The following ZBTB2 variants were observed in gnomAD, a reference collection of about 807,000 sequenced individuals.
ZBTB2 encodes the protein zinc finger and BTB domain-containing protein 2.
A neutral mutation model predicts 39.5 loss-of-function variants in ZBTB2; 2 were observed. The observed-to-expected ratio is 0.05, with a 90% CI of 0.02 to 0.16. The LOEUF is 0.16. Ranked by LOEUF, ZBTB2 falls within the 10% of genes least tolerant of loss-of-function variation. The probability of loss-of-function intolerance (pLI) is 1.00; values close to 1 mark genes in which losing one functional copy is unlikely to be tolerated. For missense variants in ZBTB2, 391 were observed against 653.0 expected, an observed-to-expected ratio of 0.60 and a Z score of 4.37; for synonymous variants, 251 against 256.6, an observed-to-expected ratio of 0.98 and a Z score of 0.21.
At chr6:151,375,717 A>G (rs1778892339) in intron 1 of ZBTB2, among the ~76,000 whole-genome samples, 1 of 152,038 alleles carries the variant, frequency 6.6e-6, no homozygotes, top group East Asian at 1.9e-4. Flanking sequence ...GGCACGCACC[A>G]CCAAACCTGG....
At chr6:151,390,839 G>A (rs997447261) in intron 1 of ZBTB2, among the ~76,000 whole-genome samples, 1 of 147,028 alleles carries the variant, frequency 6.8e-6, no homozygotes, top group Admixed American at 6.7e-5. Flanking sequence ...AGCGGCGGCA[G>A]CAGCAGGAGG....
chr6:151,390,902 C>T (rs1279243527), intron 1 of ZBTB2, among the ~76,000 whole-genome samples: 1 of 151,872 alleles, frequency 6.6e-6, no homozygotes, highest in African/African-American at 2.4e-5. Context: ...CCTCTGAGGG[C>T]TCCAGCGCGG....
intron 1 of ZBTB2, among the ~76,000 whole-genome samples, chr6:151,376,299 G>T (rs898135717): frequency 2.6e-5 from 4 of 152,154 alleles, no homozygotes; most frequent in African/African-American, 9.7e-5. Flanking sequence ...TTTTACACTT[G>T]ACATCAAAAG....
intron 1 of ZBTB2, among the ~76,000 whole-genome samples, chr6:151,379,553 G>A (rs1163477358): frequency 2.0e-5 from 3 of 146,600 alleles, no homozygotes; most frequent in Admixed American, 7.0e-5. Flanking sequence ...GAAGTGGGAG[G>A]ATCACTTGAG....
intron 1 of ZBTB2, among the ~76,000 whole-genome samples, chr6:151,384,090 A>G (rs959663036): frequency 1.3e-5 from 2 of 152,204 alleles, no homozygotes; most frequent in Non-Finnish European, 2.9e-5. Context: ...ATTCTCATCA[A>G]TTTAACACCT....
At chr6:151,370,155 A>G (rs983322085) in intron 2 of ZBTB2, 100 of 911,648 alleles carry the variant, frequency 1.1e-4, no homozygotes, top group Non-Finnish European at 1.3e-4. Flanking sequence ...TTTGTTTTGA[A>G]ATGGAGTTTC....
chr6:151,391,204 G>C (rs1779299406), intron 1 of ZBTB2, among the ~76,000 whole-genome samples: 1 of 151,322 alleles, frequency 6.6e-6, no homozygotes, highest in Non-Finnish European at 1.5e-5. Context: ...CCCTGCCCTC[G>C]CTTCCCAGAA....
chr6:151,377,727 T>C (rs775471975), intron 1 of ZBTB2, among the ~76,000 whole-genome samples: 7 of 151,822 alleles, frequency 4.6e-5, no homozygotes, highest in Non-Finnish European at 7.4e-5. Context: ...GAGATGGGGT[T>C]TCACCATGTT....
chr6:151,365,442 A>G lies in ZBTB2; in HGVS notation c.*79T>C. 6.8e-7 allele frequency: 1 copy of G among 1,480,390 alleles called. No individual in the cohort carries two copies. Among genetic ancestry groups the G allele is most frequent in the Non-Finnish European group, 9.1e-7 (1 of 1,098,568 alleles). The allele number at this position is 1,480,390 out of a possible 1,614,324, so 91.7% of individuals were successfully genotyped here. ...GACCTGTTTGTATCATGCCATGGAG[A>G]ACTACAGTTCTGAATTCAGGGAAGG... On this transcript the variant is annotated 3_prime_UTR_variant, in exon 3 of 3. Transcript: ENST00000325144. The surrounding 1 kb of genome is among the most constrained non-coding windows in gnomAD (Gnocchi z 5.6).
At chr6:151,382,893 T>C (rs1264289771) in intron 1 of ZBTB2, among the ~76,000 whole-genome samples, 1 of 151,728 alleles carries the variant, frequency 6.6e-6, no homozygotes. Context: ...AATTACAACA[T>C]AAAATGTTAC....
intron 1 of ZBTB2, among the ~76,000 whole-genome samples, chr6:151,374,502 T>G (rs1157834684): frequency 6.6e-6 from 1 of 152,156 alleles, no homozygotes; most frequent in Non-Finnish European, 1.5e-5. Flanking sequence ...ATTGCCTGGT[T>G]CATCAAATCA....
intron 2 of ZBTB2, among the ~76,000 whole-genome samples, chr6:151,369,055 G>A (rs541555361): frequency 4.6e-4 from 70 of 152,258 alleles, no homozygotes; most frequent in African/African-American, 1.5e-3. Context: ...GAACCACCGC[G>A]CCTGGCTGAC....
chr6:151,365,383 G>A lies in ZBTB2; in HGVS notation c.*138C>T, dbSNP rs1176060638. On this transcript the variant is annotated 3_prime_UTR_variant, in exon 3 of 3. Transcript: ENST00000325144. This position sits in a 1 kb window ranked among gnomAD's most constrained non-coding sequence, Gnocchi z 5.6. ...AAAGCCTTTACAGAGGTGGGGCTGGGATGTGGAAAAGGGGAAGAGGAGAAG... is the reference window on the plus strand; with the variant it reads ...AAAGCCTTTACAGAGGTGGGGCTGGAATGTGGAAAAGGGGAAGAGGAGAAG... 1.0e-6 allele frequency: 1 copy of A among 965,520 alleles called. No individual in the cohort carries two copies. The highest frequency in any genetic ancestry group is 1.5e-6 in the Non-Finnish European group (1 of 653,286). 59.8% of individuals were successfully genotyped at this position (965,520 alleles called of 1,614,324 possible).
intron 1 of ZBTB2, among the ~76,000 whole-genome samples, chr6:151,390,217 C>G (rs1277203314): frequency 1.3e-4 from 20 of 151,662 alleles, no homozygotes; most frequent in Admixed American, 1.3e-3. Flanking sequence ...AAGGGCGGCG[C>G]CACAGAGGCC....
At chr6:151,368,404 C>G (rs1187825658) in intron 2 of ZBTB2, among the ~76,000 whole-genome samples, 1 of 152,150 alleles carries the variant, frequency 6.6e-6, no homozygotes, top group Non-Finnish European at 1.5e-5. Context: ...CCGCCTCGGC[C>G]TCCCAAAGTG....
intron 1 of ZBTB2, among the ~76,000 whole-genome samples, chr6:151,385,010 T>A (rs1779122826): frequency 6.6e-6 from 1 of 151,464 alleles, no homozygotes; most frequent in Non-Finnish European, 1.5e-5. Flanking sequence ...CTATGTAAAA[T>A]CCCTAACCAT....
intron 1 of ZBTB2, among the ~76,000 whole-genome samples, chr6:151,377,463 G>A (rs570691764): frequency 6.7e-6 from 1 of 150,330 alleles, no homozygotes; most frequent in East Asian, 1.9e-4. Flanking sequence ...CTGCCTCCCG[G>A]GTTCAAGCTA....
intron 2 of ZBTB2, among the ~76,000 whole-genome samples, chr6:151,367,319 C>A (rs1178520564): frequency 3.3e-5 from 5 of 152,162 alleles, no homozygotes; most frequent in Non-Finnish European, 4.4e-5. Context: ...CGGGGATTCA[C>A]CATGTTGGCC....
intron 1 of ZBTB2, among the ~76,000 whole-genome samples, chr6:151,379,640 A>G (rs1364169017): frequency 5.6e-5 from 4 of 71,190 alleles, no homozygotes; most frequent in African/African-American, 1.9e-4. Flanking sequence ...CCTGTCTGAA[A>G]AAAAAAAAAA....
Sources: gnomAD v4.1 joint callset for allele counts (sites outside exome capture counted in the v4.1 genomes callset) on GRCh38, gnomAD v4.1.1 for gene constraint, Gnocchi (gnomAD v3.1) non-coding constraint, MANE v1.5 for transcripts, NCBI Gene and HGNC (gene_info 2026-07-23, HGNC 2026-07-21) for gene names.